Variants in SELENBP1 observed in about 807,000 individuals in gnomAD.
SELENBP1 encodes the protein selenium binding protein 1.
In SELENBP1, 71 loss-of-function variants were observed where a neutral mutation model predicts 61.0. The ratio of observed to expected loss-of-function variants is 1.16; its 90% CI spans 0.96 to 1.42. SELENBP1 has a LOEUF of 1.42. SELENBP1 is among the 40% of genes most tolerant of loss of function. The pLI, the probability that SELENBP1 is intolerant of heterozygous loss-of-function variation, is 0.00. For missense variants in SELENBP1, 561 were observed against 605.0 expected, an observed-to-expected ratio of 0.93 and a Z score of 0.76; for synonymous variants, 270 against 238.9, an observed-to-expected ratio of 1.13 and a Z score of -1.20.
chr1:151,372,559 T>C, intron 1 of SELENBP1, 79 bp downstream of exon 1: 2 of 1,595,586 alleles, frequency 1.3e-6, no homozygotes, highest in South Asian at 2.2e-5. Context: ...TCAGGTTTTC[T>C]AGCATTTTCT....
intron 1 of SELENBP1, among the ~76,000 whole-genome samples, chr1:151,370,972 C>G (rs1033795522): frequency 2.0e-5 from 3 of 152,202 alleles, no homozygotes; most frequent in Non-Finnish European, 4.4e-5. Flanking sequence ...AGTTTTGACG[C>G]CCCGTTTCTC....
chr1:151,364,970 C>T lies in SELENBP1; in HGVS notation c.1212G>A (p.Ser404=), dbSNP rs745621250. 164 of 1,613,754 alleles carry T rather than the reference C, an allele frequency of 1.0e-4. 1 individual carries two copies. Among genetic ancestry groups the T allele is most frequent in the East Asian group, 8.0e-4 (36 of 44,884 alleles). Residue 404 remains serine (S), a synonymous_variant, in exon 11 of 12, where the codon TCG becomes TCA. Coordinates refer to ENST00000368868, the MANE Select transcript of SELENBP1 (RefSeq NM_003944.4). ...LDGKRLYITT[S]LYSAWDKQFY... is the part of the protein sequence containing the mutation. The stretch of plus-strand genomic sequence containing the variant: ...ACTGCTTGTCCCAGGCACTGTACAG[C>T]GACGTGGTGATGTAGAGGCGCTTCC...
intron 1 of SELENBP1, among the ~76,000 whole-genome samples, chr1:151,371,870 C>G (rs776673374): frequency 6.6e-6 from 1 of 152,116 alleles, no homozygotes. Context: ...GGGAATACCC[C>G]CATCTGAAAC....
At position 151,369,772 on chromosome 1, in the gene SELENBP1, G is replaced by C; in HGVS notation, c.5-3C>G. 1.3e-6 allele frequency: 2 copies of C among 1,552,198 alleles called. No homozygotes were observed. Among genetic ancestry groups the C allele is most frequent in the Non-Finnish European group, 1.7e-6 (2 of 1,147,244 alleles). ...TCCACAATTCCCACATTTCGTAGCT[G>C]TGGAAGCAATGGGGCGCATTGGCTG... On this transcript the variant is annotated splice_region_variant and splice_polypyrimidine_tract_variant and intron_variant, in intron 1 of 11. Transcript: ENST00000368868.
At position 151,368,184 on chromosome 1, in the gene SELENBP1, A is replaced by G; in HGVS notation, c.481+15T>C. 3.1e-6 allele frequency: 5 copies of G among 1,609,512 alleles called. No homozygotes were observed. Among genetic ancestry groups the G allele is most frequent in the Non-Finnish European group, 4.3e-6 (5 of 1,176,318 alleles). ...GCTGTGGAAGTTTTCATGAGCACACAGTGCTGGCAGGTACCTTTGCCATTG... is the reference window on the plus strand; with the variant it reads ...GCTGTGGAAGTTTTCATGAGCACACGGTGCTGGCAGGTACCTTTGCCATTG... On this transcript the variant is annotated intron_variant, in intron 5 of 11. Coordinates refer to ENST00000368868, the MANE Select transcript of SELENBP1 (RefSeq NM_003944.4).
rs116396590 is a variant in SELENBP1 at position 151,364,569 on chromosome 1, C to A, written c.1393G>T (p.Asp465Tyr). 6 of 1,614,020 alleles carry A rather than the reference C, an allele frequency of 3.7e-6. No individual in the cohort carries two copies. The African/African-American group carries it at 8.0e-5, about 22-fold the overall frequency. The change falls in exon 12 of 12, where the codon GAT (aspartate) becomes TAT (tyrosine). Residue 465 changes from aspartate (D) to tyrosine (Y), a missense_variant. Physicochemically the swap from Asp to Tyr is radical, Grantham distance 160 (BLOSUM62 -3). Coordinates refer to ENST00000368868, the MANE Select transcript of SELENBP1 (RefSeq NM_003944.4). ...CAAATCCAGATGTCAGAGCTACAAT[C>A]GCCCCCAGGGTAGCGGAGCTCATGG... is the stretch of plus-strand genomic sequence containing the variant. ...LAHELRYPGG[D>Y]CSSDIWI
chr1:151,369,900 C>G (rs908291477), intron 1 of SELENBP1, 131 bp from the exon 2 acceptor site: 1 of 1,547,182 alleles, frequency 6.5e-7, no homozygotes, highest in East Asian at 2.4e-5. Flanking sequence ...CCAGCCTCAT[C>G]GCTCTGGCCT....
At position 151,366,877 on chromosome 1, in the gene SELENBP1, G is replaced by T; in HGVS notation, c.509C>A (p.Thr170Lys). ...KGGFVLLDGE[T>K]FEVKGTWERP... ...CTCCCATGTCCCCTTCACCTCGAAC[G>T]TCTCCCCATCCAGCAGCACAAAACC... The change falls in exon 6 of 12, where the codon ACG becomes AAG. Residue 170 changes from threonine (T) to lysine (K), a missense_variant. Transcript: ENST00000368868. 6.2e-7 allele frequency: 1 copy of T among 1,614,046 alleles called. No homozygotes were observed. The highest frequency in any genetic ancestry group is 8.5e-7 in the Non-Finnish European group (1 of 1,179,994).
intron 1 of SELENBP1, among the ~76,000 whole-genome samples, chr1:151,372,118 G>A (rs1652168777): frequency 6.6e-6 from 1 of 152,166 alleles, no homozygotes; most frequent in South Asian, 2.1e-4. Context: ...AGGGGTGGGG[G>A]AGGCATTGAA....
rs1651805363 is a variant in SELENBP1 at position 151,366,225 on chromosome 1, G to T, written c.843+50C>A. 4 of 1,583,600 alleles carry T rather than the reference G, an allele frequency of 2.5e-6. No homozygotes were observed. In the African/African-American group the frequency reaches 4.0e-5, roughly 16 times the overall value. On this transcript the variant is annotated intron_variant, in intron 7 of 11. Transcript: ENST00000368868. ...ACCGTTACAGAAGCCTGCTTAGGTA[G>T]AGCTGCTGACAAGACTACTGGGAGG...
chr1:151,366,410 A>G lies in SELENBP1; in HGVS notation c.708T>C (p.His236=). The change falls in exon 7 of 12, where the codon CAT becomes CAC. Residue 236 remains histidine (H), a synonymous_variant. Transcript: ENST00000368868. ...TTAGAGACAGGGTCTGCACAATCTC[A>G]TGGCGCTGCCAGTCCCATACATATA... The part of the protein sequence containing the change: ...SHLYVWDWQR[H]EIVQTLSLKD... 1 of 1,602,594 alleles carries G rather than the reference A, an allele frequency of 6.2e-7. No individual in the cohort carries two copies. Among genetic ancestry groups the G allele is most frequent in the Middle Eastern group, 1.7e-4 (1 of 6,014 alleles).
At chr1:151,369,812 G>A in intron 1 of SELENBP1, 43 bp from the exon 2 acceptor site, 2 of 1,551,756 alleles carry the variant, frequency 1.3e-6, no homozygotes, top group Middle Eastern at 1.7e-4. Flanking sequence ...ACGCTCTGGA[G>A]GGTGAAGGCT....
Position 151,366,977 on chromosome 1 carries a change from C to A in SELENBP1, c.482-73G>T. 9 of 1,559,390 alleles carry A rather than the reference C, an allele frequency of 5.8e-6. No homozygotes were observed. In the South Asian group the frequency reaches 9.7e-5, roughly 17 times the overall value. On this transcript the variant is annotated intron_variant, in intron 5 of 11. Transcript: ENST00000368868. ...TAACCCCACCCTCCAGCCCTCTCCC[C>A]GAGGCATGTCTAAGAGGCTGTAAGC...
rs1652006061 is a variant in SELENBP1, at chr1:151,369,079, C to T, written c.285G>A (p.Val95=). 6.2e-7 allele frequency: 1 copy of T among 1,614,028 alleles called. No homozygotes were observed. The highest frequency in any genetic ancestry group is 1.7e-4 in the Middle Eastern group (1 of 6,060). ...GDSTKSRTKL[V]LPSLISSRIY... Reference sequence around the variant, plus strand: ...TGCGAGAGGAGATGAGACTGGGCAGCACCAGCTTGGTGCGCGACTTGGTGC... The same window carrying T: ...TGCGAGAGGAGATGAGACTGGGCAGTACCAGCTTGGTGCGCGACTTGGTGC... The change falls in exon 4 of 12, where the codon GTG becomes GTA. Residue 95 remains valine (V), a synonymous_variant. Coordinates refer to ENST00000368868, the MANE Select transcript of SELENBP1 (RefSeq NM_003944.4).
intron 7 of SELENBP1, 35 bp from the exon 8 acceptor site, chr1:151,365,881 A>G (rs1429330025): frequency 6.2e-7 from 1 of 1,608,246 alleles, no homozygotes; most frequent in Non-Finnish European, 8.5e-7. Flanking sequence ...GTTAGCTGGC[A>G]GAGAGGTCAG....
intron 10 of SELENBP1, 68 bp from the exon 11 acceptor site, chr1:151,365,112 G>A (rs1025070278): frequency 1.0e-5 from 16 of 1,583,082 alleles, no homozygotes; most frequent in Admixed American, 3.5e-5. Context: ...AACCCCAAGA[G>A]TATGCTCAGC....
chr1:151,366,938 A>G (rs769331195), intron 5 of SELENBP1, 34 bp from the exon 6 acceptor site: 3 of 1,605,742 alleles, frequency 1.9e-6, no homozygotes, highest in Non-Finnish European at 1.7e-6. Flanking sequence ...GGCAGGTAGA[A>G]GCAGTAGAGA....
At chr1:151,370,519 C>T (rs919660217) in intron 1 of SELENBP1, among the ~76,000 whole-genome samples, 1 of 152,136 alleles carries the variant, frequency 6.6e-6, no homozygotes, top group Admixed American at 6.5e-5. Context: ...GGTGTTTGGC[C>T]CAACTCTGGA....
intron 9 of SELENBP1, 76 bp from the exon 10 acceptor site, chr1:151,365,357 G>C: frequency 6.6e-7 from 1 of 1,508,062 alleles, no homozygotes; most frequent in African/African-American, 1.4e-5. Flanking sequence ...AGCTTGCCTG[G>C]CTGGAACCCC....
Sources: gnomAD v4.1 joint callset for allele counts (sites outside exome capture counted in the v4.1 genomes callset) on GRCh38, gnomAD v4.1.1 for gene constraint, MANE v1.5 for transcripts, NCBI Gene and HGNC (gene_info 2026-07-23, HGNC 2026-07-21) for gene names.